Variants in CA10 observed in about 807,000 individuals in gnomAD.
CA10 encodes the protein carbonic anhydrase-related protein 10.
CA10 carries 14 observed loss-of-function variants against 44.2 expected under a neutral mutation model. The observed-to-expected ratio is 0.32, with a 90% CI of 0.21 to 0.50. CA10 has a LOEUF of 0.50. CA10 is among the 20% of genes least tolerant of loss of function. CA10 has a pLI of 0.99. For missense variants in CA10, 350 were observed against 409.7 expected (o/e 0.85, Z 1.26); for synonymous variants, 159 against 141.6 (o/e 1.12, Z -0.87).
intron 2 of CA10, among the ~76,000 whole-genome samples, chr17:52,067,068 G>A (rs575393645): frequency 1.0e-3 from 158 of 152,376 alleles, no homozygotes; most frequent in African/African-American, 3.5e-3. Context: ...CAAGCTGGCT[G>A]CAGAGATTTG....
At chr17:52,119,784 T>C (rs931520469) in intron 1 of CA10, among the ~76,000 whole-genome samples, 1 of 152,206 alleles carries the variant, frequency 6.6e-6, no homozygotes, top group Non-Finnish European at 1.5e-5. Flanking sequence ...GAATGAGGAC[T>C]GGAGAGAGAT....
chr17:51,683,174 T>A (rs1914900285), intron 4 of CA10, among the ~76,000 whole-genome samples: 1 of 152,222 alleles, frequency 6.6e-6, no homozygotes, highest in Non-Finnish European at 1.5e-5. Context: ...CATGGCTTCA[T>A]GGTGCCTCCT....
chr17:51,812,757 C>T (rs191526309), intron 3 of CA10, among the ~76,000 whole-genome samples: 107 of 152,300 alleles, frequency 7.0e-4, no homozygotes, highest in Non-Finnish European at 1.1e-3. Flanking sequence ...GTAATGCTGT[C>T]CTGAGTCCCA....
chr17:51,801,734 T>C (rs143371981), intron 3 of CA10, among the ~76,000 whole-genome samples: 5 of 152,316 alleles, frequency 3.3e-5, no homozygotes, highest in East Asian at 1.9e-4. Context: ...ATGAAAATTA[T>C]AGTGCAGTAA....
intron 3 of CA10, among the ~76,000 whole-genome samples, chr17:51,816,407 C>T (rs1907566200): frequency 6.6e-6 from 1 of 152,196 alleles, no homozygotes; most frequent in Non-Finnish European, 1.5e-5. Context: ...AATATACTGA[C>T]TTCCTTTCTT....
chr17:52,141,540 G>T (rs1261816503), intron 1 of CA10, among the ~76,000 whole-genome samples: 1 of 152,178 alleles, frequency 6.6e-6, no homozygotes, highest in Non-Finnish European at 1.5e-5. Context: ...CATGTTTTAG[G>T]CTTTGCAGGC....
At chr17:51,844,052 C>T (rs940639403) in intron 3 of CA10, among the ~76,000 whole-genome samples, 16 of 151,860 alleles carry the variant, frequency 1.1e-4, no homozygotes, top group Admixed American at 9.2e-4. Context: ...TAAATTTCCC[C>T]CAGAAATGGG....
chr17:51,656,842 G>A (rs745835490), intron 4 of CA10, among the ~76,000 whole-genome samples: 1 of 152,192 alleles, frequency 6.6e-6, no homozygotes, highest in South Asian at 2.1e-4. Flanking sequence ...GTTGGCTGGT[G>A]AGCAGAGTCC....
At chr17:52,079,437 G>A (rs1406544798) in intron 1 of CA10, among the ~76,000 whole-genome samples, 2 of 150,342 alleles carry the variant, frequency 1.3e-5, no homozygotes, top group Admixed American at 6.6e-5. Flanking sequence ...CCAGCCTGGG[G>A]GACAGAGCGA....
At chr17:51,685,236 T>C (rs1914969421) in intron 4 of CA10, among the ~76,000 whole-genome samples, 1 of 152,168 alleles carries the variant, frequency 6.6e-6, no homozygotes, top group Non-Finnish European at 1.5e-5. Flanking sequence ...TTGGAGGCTA[T>C]GAATGATGGG....
chr17:51,814,059 T>C (rs2143745580), intron 3 of CA10, among the ~76,000 whole-genome samples: 1 of 152,324 alleles, frequency 6.6e-6, no homozygotes, highest in East Asian at 1.9e-4. Context: ...TTGGTATTTG[T>C]CATTTTAATT....
At chr17:51,643,875 A>G (rs2143246564) in intron 6 of CA10, among the ~76,000 whole-genome samples, 1 of 152,326 alleles carries the variant, frequency 6.6e-6, no homozygotes, top group Middle Eastern at 3.4e-3. Flanking sequence ...TTTGATTCTC[A>G]TGCCAACCAT....
At chr17:51,874,270 A>C (rs1312635074) in intron 3 of CA10, among the ~76,000 whole-genome samples, 2 of 152,122 alleles carry the variant, frequency 1.3e-5, no homozygotes, top group Non-Finnish European at 2.9e-5. Context: ...GAGAGTTAAG[A>C]ATCAGGTTTG....
intron 4 of CA10, among the ~76,000 whole-genome samples, chr17:51,709,653 A>C (rs1452159214): frequency 1.6e-4 from 25 of 152,286 alleles, no homozygotes. Context: ...CTTACTAGAC[A>C]GAATAGCATA....
At chr17:51,793,814 C>T (rs1325224356) in intron 3 of CA10, among the ~76,000 whole-genome samples, 2 of 152,202 alleles carry the variant, frequency 1.3e-5, no homozygotes, top group Non-Finnish European at 2.9e-5. Flanking sequence ...TCTGACCTTT[C>T]TTTGTCAACT....
intron 3 of CA10, among the ~76,000 whole-genome samples, chr17:51,928,429 G>C (rs1298087987): frequency 1.3e-5 from 2 of 151,980 alleles, no homozygotes; most frequent in Non-Finnish European, 2.9e-5. Flanking sequence ...CTTAAACTAT[G>C]GTAAGGAAAG....
intron 1 of CA10, among the ~76,000 whole-genome samples, chr17:52,136,246 A>G (rs1053236978): frequency 7.2e-5 from 11 of 152,172 alleles, no homozygotes; most frequent in African/African-American, 2.4e-4. Flanking sequence ...AAGGGAGCAG[A>G]CCCAGTAAGG....
At chr17:52,010,676 A>G (rs1178386848) in intron 2 of CA10, among the ~76,000 whole-genome samples, 1 of 151,898 alleles carries the variant, frequency 6.6e-6, no homozygotes, top group African/African-American at 2.4e-5. Flanking sequence ...AGTTTACACT[A>G]CTTGGGTGAT....
chr17:52,048,014 C>T (rs1204742978), intron 2 of CA10, among the ~76,000 whole-genome samples: 1 of 150,692 alleles, frequency 6.6e-6, no homozygotes, highest in African/African-American at 2.4e-5. Context: ...ACACCAATGG[C>T]TCCATCCAAT....
Sources: allele counts gnomAD v4.1 joint callset (sites outside exome capture counted in the v4.1 genomes callset), GRCh38; gene constraint gnomAD v4.1.1; transcripts MANE v1.5; gene names NCBI Gene and HGNC (gene_info 2026-07-23, HGNC 2026-07-21).